RASGRP3: variants seen among roughly 807,000 people sequenced by gnomAD.
The protein encoded by RASGRP3 is RAS guanyl releasing protein 3.
A neutral mutation model predicts 82.7 loss-of-function variants in RASGRP3; 54 were observed. The ratio of observed to expected loss-of-function variants is 0.65; its 90% CI spans 0.52 to 0.82. The LOEUF (loss-of-function observed/expected upper bound fraction) is 0.82. RASGRP3 is among the 40% of genes least tolerant of loss of function. RASGRP3 has a pLI of 0.00. For missense variants in RASGRP3, 861 were observed against 828.9 expected (o/e 1.04, Z -0.48); for synonymous variants, 309 against 300.5 (o/e 1.03, Z -0.29).
At chr2:33,483,486 ATTTTTT>A (rs202150682) in intron 1 of RASGRP3, among the ~76,000 whole-genome samples, 17,992 of 125,964 alleles carry the variant, frequency 0.14, 1,197 homozygotes, top group African/African-American at 0.2. Context: ...TTTAGCCACT[ATTTTTT>A]TTTTTTTTTT....
intron 1 of RASGRP3, among the ~76,000 whole-genome samples, chr2:33,506,106 G>T (rs1362253923): frequency 1.3e-5 from 2 of 152,304 alleles, no homozygotes; most frequent in East Asian, 3.9e-4. Flanking sequence ...CTCTGAGCTG[G>T]TTATTGACTT....
chr2:33,545,896 C>T (rs1328242713), intron 13 of RASGRP3, among the ~76,000 whole-genome samples: 2 of 152,114 alleles, frequency 1.3e-5, no homozygotes, highest in African/African-American at 4.8e-5. Flanking sequence ...CCTCTGCCTC[C>T]TGGGTTCAAG....
At chr2:33,505,919 A>T (rs1670331995) in intron 1 of RASGRP3, among the ~76,000 whole-genome samples, 2 of 152,152 alleles carry the variant, frequency 1.3e-5, no homozygotes, top group African/African-American at 4.8e-5. Flanking sequence ...ATTTCATGGT[A>T]TTTATTACTA....
At chr2:33,475,237 T>C (rs2150922902), upstream of RASGRP3, among the ~76,000 whole-genome samples, 1 of 152,330 alleles carries the variant, frequency 6.6e-6, no homozygotes, top group Middle Eastern at 3.4e-3. Context: ...CTTACAAAAT[T>C]CTCCCATTTG....
chr2:33,479,960 G>A (rs1012920058), intron 1 of RASGRP3, among the ~76,000 whole-genome samples: 20 of 152,140 alleles, frequency 1.3e-4, no homozygotes, highest in Admixed American at 1.3e-3. Context: ...ATGTTTCTGA[G>A]GAAGTTATCA....
At chr2:33,450,432 A>G (rs1665724703) in intron 2 of RASGRP3, among the ~76,000 whole-genome samples, 1 of 152,088 alleles carries the variant, frequency 6.6e-6, no homozygotes, top group Non-Finnish European at 1.5e-5. Flanking sequence ...TCTGTTACTG[A>G]GTTCAACTTT....
At chr2:33,504,306 C>G (rs571811373) in intron 1 of RASGRP3, among the ~76,000 whole-genome samples, 16 of 152,116 alleles carry the variant, frequency 1.1e-4, no homozygotes, top group African/African-American at 3.1e-4. Context: ...CATTTCTGTG[C>G]TCCCGCAATG....
intron 14 of RASGRP3, among the ~76,000 whole-genome samples, chr2:33,551,269 T>C (rs1675331678): frequency 6.6e-6 from 1 of 151,996 alleles, no homozygotes; most frequent in Admixed American, 6.6e-5. Context: ...GCCAAGATCA[T>C]GCCACTGCAC....
chr2:33,469,587 G>C (rs1666935853), intron 2 of RASGRP3, among the ~76,000 whole-genome samples: 1 of 151,624 alleles, frequency 6.6e-6, no homozygotes, highest in South Asian at 2.1e-4. Flanking sequence ...AGCCTCCCTA[G>C]TAGCTGAGAC....
chr2:33,465,985 A>G (rs1341989609), intron 2 of RASGRP3, among the ~76,000 whole-genome samples: 1 of 149,648 alleles, frequency 6.7e-6, no homozygotes, highest in Non-Finnish European at 1.5e-5. Context: ...AAAAAAAAAA[A>G]AGGAAGGATT....
rs930572941 is a variant in RASGRP3 at position 33,527,161 on chromosome 2, G to A, written c.832G>A (p.Val278Ile). ...GAACTGGAATGAAATGACAGAGTTG[G>A]TCTCCTCCAACGGCAATTACTGCAA... ...TKNWNEMTEL[V>I]SSNGNYCNYR... The change falls in exon 10 of 18, where the codon GTC becomes ATC. Residue 278 changes from valine (V) to isoleucine (I), a missense_variant. Val to Ile is a conservative substitution (Grantham distance 29). Coordinates refer to ENST00000403687, the MANE Select transcript of RASGRP3 (RefSeq NM_001139488.2). 8.1e-6 allele frequency: 13 copies of A among 1,613,878 alleles called. No individual in the cohort carries two copies. The African/African-American group carries it at 1.2e-4, about 15-fold the overall frequency.
intron 10 of RASGRP3, among the ~76,000 whole-genome samples, chr2:33,531,554 G>A (rs899940905): frequency 2.0e-5 from 3 of 152,152 alleles, no homozygotes; most frequent in African/African-American, 7.2e-5. Flanking sequence ...ACAAACCTTA[G>A]TCAGACACCC....
chr2:33,462,872 T>A (rs916319012), intron 2 of RASGRP3, among the ~76,000 whole-genome samples: 2 of 152,240 alleles, frequency 1.3e-5, no homozygotes, highest in Non-Finnish European at 2.9e-5. Flanking sequence ...AGAAAGGAAA[T>A]CATAATTCTG....
chr2:33,495,312 G>C (rs1669207224), intron 1 of RASGRP3, among the ~76,000 whole-genome samples: 1 of 152,208 alleles, frequency 6.6e-6, no homozygotes, highest in Non-Finnish European at 1.5e-5. Flanking sequence ...TTCCACCTCA[G>C]ATCATCAGGC....
intron 10 of RASGRP3, among the ~76,000 whole-genome samples, chr2:33,530,316 A>G (rs1672987145): frequency 6.6e-6 from 1 of 152,158 alleles, no homozygotes; most frequent in Non-Finnish European, 1.5e-5. Flanking sequence ...CCTTATGTTC[A>G]TCAACAATTA....
At chr2:33,440,325 C>A (rs971446505) in intron 1 of RASGRP3, among the ~76,000 whole-genome samples, 53 of 152,304 alleles carry the variant, frequency 3.5e-4, no homozygotes, top group African/African-American at 1.1e-3. Context: ...GGTTCCATTG[C>A]CAGCCACATT....
At chr2:33,472,565 G>A (rs149082908), upstream of RASGRP3, among the ~76,000 whole-genome samples, 390 of 152,250 alleles carry the variant, frequency 2.6e-3, 1 homozygote, top group Non-Finnish European at 3.2e-3. Context: ...GGCAGATAGC[G>A]GAAGAGAAGC....
intron 10 of RASGRP3, chr2:33,531,082 A>G (rs1307163406): frequency 6.6e-6 from 1 of 152,230 alleles, no homozygotes; most frequent in African/African-American, 2.4e-5. Flanking sequence ...AAGAAGAATA[A>G]GAAGAGTTTC....
chr2:33,556,011 G>A (rs189824915), intron 15 of RASGRP3, among the ~76,000 whole-genome samples: 5 of 152,188 alleles, frequency 3.3e-5, no homozygotes, highest in South Asian at 4.2e-4. Flanking sequence ...AACTTAAAAC[G>A]TAATTTTGTC....
Sources: gnomAD v4.1 joint callset for allele counts (sites outside exome capture counted in the v4.1 genomes callset) on GRCh38, gnomAD v4.1.1 for gene constraint, MANE v1.5 for transcripts, NCBI Gene and HGNC (gene_info 2026-07-23, HGNC 2026-07-21) for gene names.